The following ACTR3C variants were observed in gnomAD, a reference collection of about 807,000 sequenced individuals.
ACTR3C encodes the protein actin-related protein 3C.
Under a neutral mutation model 26.3 loss-of-function variants are expected in ACTR3C, and 18 were observed. That is an observed-to-expected ratio of 0.68 (90% CI 0.47 to 1.01). The LOEUF (loss-of-function observed/expected upper bound fraction) is 1.01. Among genes scored for constraint, ACTR3C ranks in the 50% least tolerant of loss-of-function variants. ACTR3C has a pLI of 0.00. For synonymous variants in ACTR3C, 55 were observed against 94.5 expected (o/e 0.58, Z 2.42); for missense variants, 184 against 250.7 (o/e 0.73, Z 1.80).
the ACTR3C span, among the ~76,000 whole-genome samples, chr7:150,011,078 G>C: frequency 1.3e-5 from 2 of 150,268 alleles, no homozygotes; most frequent in African/African-American, 4.9e-5. Context: ...TCTCCAAGTT[G>C]CCTAACCCTG....
chr7:150,122,924 C>T, the ACTR3C span, among the ~76,000 whole-genome samples: 25 of 150,602 alleles, frequency 1.7e-4, no homozygotes, highest in East Asian at 3.9e-4. Flanking sequence ...AGAATGAGTT[C>T]GTGTCCTTTT....
the ACTR3C span, among the ~76,000 whole-genome samples, chr7:149,889,872 CA>C: frequency 6.6e-6 from 1 of 152,010 alleles, no homozygotes; most frequent in African/African-American, 2.4e-5. Context: ...AAATAAAATA[CA>C]GAGCAAAACA....
At chr7:150,061,541 T>A in the ACTR3C span, among the ~76,000 whole-genome samples, 1 of 49,404 alleles carries the variant, frequency 2.0e-5, no homozygotes, top group African/African-American at 6.9e-5. Context: ...TAATAAAAGA[T>A]TCTACTTTGG....
the ACTR3C span, among the ~76,000 whole-genome samples, chr7:150,213,384 G>A: frequency 2.0e-5 from 3 of 152,194 alleles, no homozygotes; most frequent in African/African-American, 7.2e-5. Context: ...TAATCATTTA[G>A]AGGGAGGGCT....
At chr7:150,169,362 A>G in the ACTR3C span, among the ~76,000 whole-genome samples, 9 of 146,708 alleles carry the variant, frequency 6.1e-5, no homozygotes, top group South Asian at 2.1e-4. Context: ...CAGCCTGGGC[A>G]ACAGAGTGAG....
At chr7:150,271,072 C>G (rs2689556) in intron 6 of ACTR3C, among the ~76,000 whole-genome samples, 17,482 of 128,004 alleles carry the variant, frequency 0.14, 2,253 homozygotes, top group African/African-American at 0.36. Context: ...TGGAACCCTG[C>G]CCTTGAGGGC....
At chr7:150,081,193 G>A in the ACTR3C span, among the ~76,000 whole-genome samples, 1 of 151,302 alleles carries the variant, frequency 6.6e-6, no homozygotes, top group Non-Finnish European at 1.5e-5. Context: ...AGATAGGGAG[G>A]GAGGAAGGGA....
chr7:149,896,235 A>T, the ACTR3C span, among the ~76,000 whole-genome samples: 1 of 152,210 alleles, frequency 6.6e-6, no homozygotes, highest in African/African-American at 2.4e-5. Context: ...TAATTTCTTC[A>T]AACAGTCCAG....
chr7:150,133,704 C>T, the ACTR3C span, among the ~76,000 whole-genome samples: 4 of 152,070 alleles, frequency 2.6e-5, no homozygotes, highest in African/African-American at 4.8e-5. Context: ...TTAGCATCTG[C>T]TTCTGAGCTA....
At chr7:150,080,527 ATGTGTGTGTGTGTGTGTG>A in the ACTR3C span, among the ~76,000 whole-genome samples, 2 of 142,556 alleles carry the variant, frequency 1.4e-5, no homozygotes, top group African/African-American at 5.3e-5. Flanking sequence ...TTGTGTGTGT[ATGTGTGTGTGTGTGTGTG>A]TGTGTGTGTG....
the ACTR3C span, among the ~76,000 whole-genome samples, chr7:149,904,558 C>A: frequency 2.8e-5 from 3 of 106,252 alleles, no homozygotes; most frequent in South Asian, 1.1e-3. Flanking sequence ...ACAAAAAAAA[C>A]TTTAGAACAT....
intron 1 of ACTR3C, among the ~76,000 whole-genome samples, chr7:150,307,624 G>T (rs192854784): frequency 6.6e-6 from 1 of 152,186 alleles, no homozygotes; most frequent in Non-Finnish European, 1.5e-5. Flanking sequence ...GACTCAGTCC[G>T]CCTGCACCCA....
At chr7:150,240,489 G>C (rs568005326), downstream of ACTR3C, among the ~76,000 whole-genome samples, 4 of 152,194 alleles carry the variant, frequency 2.6e-5, no homozygotes, top group Admixed American at 2.6e-4. Flanking sequence ...CTAGATGACA[G>C]GTTGATGGGT....
chr7:150,295,191 C>A, intron 2 of ACTR3C, 61 bp downstream of exon 2: 1 of 1,582,454 alleles, frequency 6.3e-7, no homozygotes, highest in Non-Finnish European at 8.7e-7. Context: ...TGGGAAATAC[C>A]ATTTCTTCCG....
the ACTR3C span, among the ~76,000 whole-genome samples, chr7:150,149,726 T>C: frequency 1.3e-5 from 2 of 152,236 alleles, no homozygotes; most frequent in African/African-American, 4.8e-5. Context: ...TGAACTAGTG[T>C]TTTTAAATGC....
At chr7:150,037,778 C>G in the ACTR3C span, among the ~76,000 whole-genome samples, 19 of 40,556 alleles carry the variant, frequency 4.7e-4, no homozygotes, top group East Asian at 1.3e-3. Context: ...CCTCCCCCTC[C>G]TGCGATGGGG....
the ACTR3C span, among the ~76,000 whole-genome samples, chr7:149,911,806 A>G: frequency 6.6e-6 from 1 of 152,178 alleles, no homozygotes; most frequent in Non-Finnish European, 1.5e-5. Flanking sequence ...CTTTGGCACC[A>G]CACTGAGTTC....
At chr7:150,303,729 C>G (rs1471672292) in intron 1 of ACTR3C, among the ~76,000 whole-genome samples, 1 of 152,186 alleles carries the variant, frequency 6.6e-6, no homozygotes, top group Non-Finnish European at 1.5e-5. Context: ...TATTCTCAAA[C>G]TATTATTTAT....
chr7:149,939,264 G>A, the ACTR3C span, among the ~76,000 whole-genome samples: 4 of 152,158 alleles, frequency 2.6e-5, no homozygotes, highest in East Asian at 7.7e-4. Flanking sequence ...ACAGGCATGA[G>A]CCACCGCACC....
Sources: allele counts gnomAD v4.1 joint callset (sites outside exome capture counted in the v4.1 genomes callset), GRCh38; gene constraint gnomAD v4.1.1; transcripts MANE v1.5; gene names NCBI Gene and HGNC (gene_info 2026-07-23, HGNC 2026-07-21).